FSD1L: variants seen among roughly 807,000 people sequenced by gnomAD.
FSD1L encodes FSD1-like protein.
A neutral mutation model predicts 71.6 loss-of-function variants in FSD1L; 45 were observed. The ratio of observed to expected loss-of-function variants is 0.63; its 90% CI spans 0.49 to 0.81. The LOEUF (loss-of-function observed/expected upper bound fraction) is 0.81. Ranked by LOEUF, FSD1L falls within the 30% of genes least tolerant of loss-of-function variation. FSD1L has a pLI of 0.00. For synonymous variants in FSD1L, 197 were observed against 207.2 expected, an observed-to-expected ratio of 0.95 and a Z score of 0.42; for missense variants, 561 against 618.1, an observed-to-expected ratio of 0.91 and a Z score of 0.98.
chr9:105,532,206 G>A (rs1318361008), intron 10 of FSD1L, among the ~76,000 whole-genome samples: 1 of 152,152 alleles, frequency 6.6e-6, no homozygotes, highest in Admixed American at 6.5e-5. Context: ...TGAGGCAAAT[G>A]TAATGTTATC....
intron 10 of FSD1L, chr9:105,521,923 T>A: frequency 6.2e-7 from 1 of 1,612,518 alleles, no homozygotes; most frequent in Admixed American, 1.7e-5. Flanking sequence ...CACACAGATA[T>A]GTGTAAACGC....
chr9:105,548,262 T>C lies in FSD1L; in HGVS notation c.*1779T>C, dbSNP rs1025842281. Reference sequence around the variant, plus strand: ...AGAAATTTTCAGATGTTCTGTTCCCTATAGAGGGCCTATTCCAGGATCTAA... The same window carrying C: ...AGAAATTTTCAGATGTTCTGTTCCCCATAGAGGGCCTATTCCAGGATCTAA... On this transcript the variant is annotated 3_prime_UTR_variant, in exon 14 of 14. Coordinates refer to ENST00000481272, the MANE Select transcript of FSD1L (RefSeq NM_001145313.3). The C allele has an allele frequency of 3.3e-5, 5 of 152,186 alleles. No homozygotes were observed. The highest frequency in any genetic ancestry group is 7.2e-5 in the African/African-American group (3 of 41,444). The allele number at this position is 152,186 out of a possible 1,614,324, so 9.4% of individuals were successfully genotyped here.
Position 105,539,335 on chromosome 9 carries a change from T to C in FSD1L, c.1451T>C (p.Val484Ala). 1 of 1,463,558 alleles carries C rather than the reference T, an allele frequency of 6.8e-7. No homozygotes were observed. Among genetic ancestry groups the C allele is most frequent in the Non-Finnish European group, 9.2e-7 (1 of 1,082,010 alleles). 90.7% of individuals were successfully genotyped at this position (1,463,558 alleles called of 1,614,324 possible). ...TTTAAGACAAAATTTACTCAGCCAG[T>C]ACTACCTGGTTTCATGGTTAGTATG... is the stretch of plus-strand genomic sequence containing the variant. ...YSFKTKFTQP[V>A]LPGFMVWCGG... Residue 484 changes from valine (V) to alanine (A), a missense_variant, in exon 13 of 14, where the codon GTA becomes GCA. Transcript: ENST00000481272.
At chr9:105,538,405 A>G (rs961341073) in intron 12 of FSD1L, among the ~76,000 whole-genome samples, 43 of 152,224 alleles carry the variant, frequency 2.8e-4, no homozygotes, top group African/African-American at 1.0e-3. Context: ...GAAGCATTAT[A>G]TAAAGAAAAG....
chr9:105,534,398 C>T lies in FSD1L; in HGVS notation c.1026-95C>T, dbSNP rs571613408. 1.6e-4 allele frequency: 104 copies of T among 645,740 alleles called. 4 individuals are homozygous for T. In the South Asian group the frequency reaches 2.0e-3, roughly 13 times the overall value. The allele number at this position is 645,740 out of a possible 1,614,324, so 40.0% of individuals were successfully genotyped here. On this transcript the variant is annotated intron_variant, in intron 10 of 13. Transcript: ENST00000481272. ...TTATTTCTATAACATAATTAGAAAT[C>T]TTTTCAGAGGTTCCTTCCATGATTT...
intron 7 of FSD1L, among the ~76,000 whole-genome samples, chr9:105,485,363 T>A (rs1461292693): frequency 6.6e-6 from 1 of 152,072 alleles, no homozygotes; most frequent in Non-Finnish European, 1.5e-5. Context: ...GTAAGAACCT[T>A]CTTTCACAAG....
At chr9:105,449,126 C>T (rs1388170399) in intron 1 of FSD1L, among the ~76,000 whole-genome samples, 1 of 152,144 alleles carries the variant, frequency 6.6e-6, no homozygotes, top group African/African-American at 2.4e-5. Context: ...AAAGACATAT[C>T]TAAGAGACTA....
chr9:105,502,536 C>G (rs1156736847), intron 7 of FSD1L, among the ~76,000 whole-genome samples: 1 of 152,110 alleles, frequency 6.6e-6, no homozygotes, highest in Non-Finnish European at 1.5e-5. Flanking sequence ...ATAATGTTTT[C>G]TGTTGTAAGT....
chr9:105,468,355 A>T (rs1831210558), intron 4 of FSD1L, 31 bp downstream of exon 4: 1 of 1,453,760 alleles, frequency 6.9e-7, no homozygotes, highest in African/African-American at 1.5e-5. Context: ...AAATATGGAT[A>T]ATTTTAGTCT....
chr9:105,523,170 C>T, intron 10 of FSD1L: 1 of 1,613,878 alleles, frequency 6.2e-7, no homozygotes. Context: ...CAGTCTTAAT[C>T]AGCAAGCTTT....
chr9:105,539,145 C>T, intron 12 of FSD1L, 118 bp from the exon 13 acceptor site: 1 of 586,294 alleles, frequency 1.7e-6, no homozygotes, highest in Non-Finnish European at 3.0e-6. Flanking sequence ...ATCCAGTCCT[C>T]ATACAAAAAT....
intron 1 of FSD1L, among the ~76,000 whole-genome samples, chr9:105,454,411 G>A (rs1469752458): frequency 6.6e-6 from 1 of 152,026 alleles, no homozygotes; most frequent in Non-Finnish European, 1.5e-5. Flanking sequence ...AAGCATCCTT[G>A]TAGCCAAGTC....
At chr9:105,511,189 T>C (rs1834374061) in intron 9 of FSD1L, among the ~76,000 whole-genome samples, 1 of 146,556 alleles carries the variant, frequency 6.8e-6, no homozygotes, top group Non-Finnish European at 1.5e-5. Flanking sequence ...AATGGTACTA[T>C]CTATTTTTTT....
In FSD1L at chr9:105,470,657, T is replaced by C. The variant is rs79547459; in HGVS notation, c.340-1247T>C. Among the ~76,000 whole-genome samples the C allele has an allele frequency of 6.0e-3, 921 of 152,264 alleles. 13 individuals carry two copies. The highest frequency in any genetic ancestry group is 0.021 in the African/African-American group (870 of 41,546). On this transcript the variant is annotated intron_variant, in intron 4 of 13. Transcript: ENST00000481272. The stretch of plus-strand genomic sequence containing the variant: ...AAACACATATGTTGTCTTTCTATCT[T>C]ACATACACACCATAAAAGCACAATT...
intron 7 of FSD1L, among the ~76,000 whole-genome samples, chr9:105,495,773 G>A (rs1476519895): frequency 3.3e-5 from 5 of 152,104 alleles, no homozygotes; most frequent in Admixed American, 6.5e-5. Flanking sequence ...TCAGGAGATC[G>A]AGACCATCCT....
upstream of FSD1L, among the ~76,000 whole-genome samples, chr9:105,446,829 G>A (rs1317176779): frequency 6.6e-6 from 1 of 150,726 alleles, no homozygotes; most frequent in East Asian, 1.9e-4. Context: ...TACTCAATAT[G>A]TATTTCCCTT....
intron 10 of FSD1L, chr9:105,522,405 A>G: frequency 2.5e-6 from 4 of 1,613,912 alleles, no homozygotes; most frequent in Non-Finnish European, 3.4e-6. Context: ...GTCATTTTCT[A>G]GAGGATGGAG....
intron 3 of FSD1L, among the ~76,000 whole-genome samples, chr9:105,465,947 C>CTGAGTA (rs1417926783): frequency 1.6e-4 from 25 of 151,978 alleles, no homozygotes; most frequent in African/African-American, 5.5e-4. Context: ...TCTCAGCTCA[C>CTGAGTA]TGAAACTCCT....
chr9:105,524,922 A>G lies in FSD1L; in HGVS notation c.1026-9571A>G. The G allele has an allele frequency of 1.9e-6, 3 of 1,613,638 alleles. No individual in the cohort carries two copies. In the South Asian group the frequency reaches 3.3e-5, roughly 18 times the overall value. On this transcript the variant is annotated intron_variant, in intron 10 of 13. Transcript: ENST00000481272. ...TCCTGAACTCTTTGAGAGTCCAAAT[A>G]TCCAGTTCTTTGTGTTAATAATACA...
Sources: allele counts gnomAD v4.1 joint callset (sites outside exome capture counted in the v4.1 genomes callset), GRCh38; gene constraint gnomAD v4.1.1; transcripts MANE v1.5; gene names NCBI Gene and HGNC (gene_info 2026-07-23, HGNC 2026-07-21).